The following RRN3 variants were observed in gnomAD, a reference collection of about 807,000 sequenced individuals.
RRN3 encodes RNA polymerase I transcription factor RRN3, also known as RNA polymerase I-specific transcription initiation factor RRN3.
A neutral mutation model predicts 82.3 loss-of-function variants in RRN3; 38 were observed. The ratio of observed to expected loss-of-function variants is 0.46; its 90% confidence interval spans 0.36 to 0.61. The LOEUF is 0.61. Among genes scored for constraint, RRN3 ranks in the 20% least tolerant of loss-of-function variants. The pLI, the probability that RRN3 is intolerant of heterozygous loss-of-function variation, is 0.00. For synonymous variants in RRN3, 284 were observed against 284.3 expected (o/e 1.00, Z 0.01); for missense variants, 726 against 793.1 (o/e 0.92, Z 1.02).
At chr16:15,074,700 A>G (rs1724074887) in intron 11 of RRN3, 23 bp downstream of exon 11, 1 of 1,594,234 alleles carries the variant, frequency 6.3e-7, no homozygotes, top group South Asian at 1.1e-5. Flanking sequence ...GGTGTTCAAT[A>G]AACAGTAGCT....
intron 6 of RRN3, among the ~76,000 whole-genome samples, chr16:15,085,193 A>T (rs1214407885): frequency 6.6e-6 from 1 of 152,260 alleles, no homozygotes; most frequent in Non-Finnish European, 1.5e-5. Flanking sequence ...AATTAAATGG[A>T]CTAATTATAT....
intron 8 of RRN3, 87 bp from the exon 9 acceptor site, chr16:15,080,183 T>C (rs1245544298): frequency 6.9e-7 from 1 of 1,457,392 alleles, no homozygotes; most frequent in African/African-American, 1.4e-5. Context: ...ACATGACCTT[T>C]AGTTTCAAAT....
intron 16 of RRN3, among the ~76,000 whole-genome samples, chr16:15,063,641 C>A (rs951405081): frequency 1.4e-4 from 19 of 139,832 alleles, no homozygotes; most frequent in Non-Finnish European, 2.4e-4. Context: ...GGAGACGGAG[C>A]TTGCAGCGAG....
At chr16:15,066,162 C>G (rs1480013932) in intron 15 of RRN3, among the ~76,000 whole-genome samples, 14 of 152,124 alleles carry the variant, frequency 9.2e-5, no homozygotes, top group Admixed American at 5.2e-4. Flanking sequence ...AGGCTCACAG[C>G]ACTTGACCCC....
At chr16:15,081,094 G>A (rs931313102) in intron 8 of RRN3, among the ~76,000 whole-genome samples, 11 of 152,082 alleles carry the variant, frequency 7.2e-5, no homozygotes, top group South Asian at 4.1e-4. Context: ...ATATTCCATT[G>A]TACCATGTTT....
intron 3 of RRN3, among the ~76,000 whole-genome samples, chr16:15,088,993 T>A (rs1234838941): frequency 6.6e-6 from 1 of 151,988 alleles, no homozygotes; most frequent in African/African-American, 2.4e-5. Flanking sequence ...GGTAAATGCA[T>A]CTAACAGACA....
In RRN3 at chr16:15,065,211, G is replaced by C. The variant is rs1567186784; in HGVS notation, c.1706+8C>G. 1 of 1,596,832 alleles carries C rather than the reference G, an allele frequency of 6.3e-7. No individual in the cohort carries two copies. Among genetic ancestry groups the C allele is most frequent in the Non-Finnish European group, 8.5e-7 (1 of 1,172,742 alleles). Reference sequence around the variant, plus strand: ...CCTCCTCCAGCGTCAATGTTTAAAAGTACCTACCTCTTCAGCACACAGGGA... The same window carrying C: ...CCTCCTCCAGCGTCAATGTTTAAAACTACCTACCTCTTCAGCACACAGGGA... On this transcript the variant is annotated splice_region_variant and intron_variant, in intron 16 of 17. Transcript: ENST00000198767.
chr16:15,075,762 C>CCT (rs1343707977), intron 10 of RRN3, among the ~76,000 whole-genome samples: 1 of 152,126 alleles, frequency 6.6e-6, no homozygotes, highest in Non-Finnish European at 1.5e-5. Flanking sequence ...ATGCCCCCTA[C>CCT]CTCTGCTCCT....
intron 3 of RRN3, among the ~76,000 whole-genome samples, chr16:15,089,634 A>G (rs2046042728): frequency 1.3e-5 from 2 of 151,278 alleles, no homozygotes; most frequent in Non-Finnish European, 2.9e-5. Flanking sequence ...CCCCACCTCT[A>G]CTAAAAATAC....
At position 15,090,674 on chromosome 16, in the gene RRN3, G is replaced by A. The variant is rs992410352; in HGVS notation, c.252+641C>T. 3.9e-5 allele frequency among the ~76,000 whole-genome samples: 6 copies of A among 152,152 alleles called. No individual in the cohort carries two copies. The South Asian group carries it at 6.2e-4, about 16-fold the overall frequency. ...CACAGTGGAAAATAGAGGCAGAGAG[G>A]TTAAAACAATTTGCTCAAGATCACA... On this transcript the variant is annotated intron_variant, in intron 3 of 17. Transcript: ENST00000198767.
intron 3 of RRN3, among the ~76,000 whole-genome samples, chr16:15,089,345 G>C (rs1274673729): frequency 1.3e-5 from 2 of 151,986 alleles, no homozygotes; most frequent in African/African-American, 4.8e-5. Flanking sequence ...GAGCAATCTT[G>C]GCTACAGACA....
intron 13 of RRN3, among the ~76,000 whole-genome samples, chr16:15,070,799 T>A (rs1008674444): frequency 9.2e-5 from 14 of 151,842 alleles, no homozygotes; most frequent in Non-Finnish European, 1.8e-4. Context: ...ACAATAGATT[T>A]GGAATGCAAA....
In RRN3 at chr16:15,061,647, C is replaced by A; in HGVS notation, c.*97G>T. The A allele has an allele frequency of 1.7e-6, 2 of 1,203,634 alleles. No homozygotes were observed. The highest frequency in any genetic ancestry group is 1.4e-5 in the South Asian group (1 of 69,698). 74.6% of individuals were successfully genotyped at this position (1,203,634 alleles called of 1,614,324 possible). A position where few individuals can be genotyped will look rare whatever the true frequency, so the allele number is the denominator to read the frequency against. On this transcript the variant is annotated 3_prime_UTR_variant, in exon 18 of 18. Transcript: ENST00000198767. ...GCCGAGGCAGGCACTCGCTCTAGTT[C>A]AATGCCATCAATGCCCAATGGCACA...
At chr16:15,063,906 T>C (rs964510951) in intron 16 of RRN3, among the ~76,000 whole-genome samples, 2 of 152,138 alleles carry the variant, frequency 1.3e-5, no homozygotes, top group African/African-American at 4.8e-5. Flanking sequence ...ATACAGTATA[T>C]CCAAATGGAA....
At chr16:15,093,344 A>G (rs140709294) in intron 1 of RRN3, among the ~76,000 whole-genome samples, 124 of 152,290 alleles carry the variant, frequency 8.1e-4, no homozygotes, top group African/African-American at 2.8e-3. Flanking sequence ...CAAATGACAG[A>G]TGTCTTCCCA....
intron 3 of RRN3, among the ~76,000 whole-genome samples, chr16:15,089,685 AG>A (rs2046045917): frequency 6.8e-6 from 1 of 147,670 alleles, no homozygotes; most frequent in Non-Finnish European, 1.5e-5. Context: ...GTGTAGTCTC[AG>A]CTACTTGGGA....
chr16:15,082,759 G>A (rs1378863962), intron 8 of RRN3, among the ~76,000 whole-genome samples: 1 of 151,782 alleles, frequency 6.6e-6, no homozygotes, highest in Non-Finnish European at 1.5e-5. Flanking sequence ...TATGCTACTA[G>A]ATTCGGTTTT....
chr16:15,061,881 C>T lies in RRN3; in HGVS notation c.1819G>A (p.Asp607Asn). ...TGGGGCACTTCGCCTTTCAGAAAGTCATCATCTTCATCTTCCACTATGTCC... is the reference window on the plus strand; with the variant it reads ...TGGGGCACTTCGCCTTTCAGAAAGTTATCATCTTCATCTTCCACTATGTCC... The part of the protein sequence containing the change: ...KKDIVEDEDD[D>N]FLKGEVPQND... Residue 607 changes from aspartate (D) to asparagine (N), a missense_variant, in exon 18 of 18, where the codon GAC (aspartate) becomes AAC (asparagine). Physicochemically the swap from Asp to Asn is conservative, Grantham distance 23. Transcript: ENST00000198767. 1 of 1,612,712 alleles carries T rather than the reference C, an allele frequency of 6.2e-7. No individual in the cohort carries two copies. The highest frequency in any genetic ancestry group is 8.5e-7 in the Non-Finnish European group (1 of 1,178,724).
rs2045027393 is a variant in RRN3, at chr16:15,067,454, TA to T, written c.1553+714del. Among the ~76,000 whole-genome samples, 2 of 88,862 alleles carry T rather than the reference TA, an allele frequency of 2.3e-5. 1 individual carries two copies. Among genetic ancestry groups the T allele is most frequent in the South Asian group, 7.6e-4 (2 of 2,630 alleles). 58.3% of individuals were successfully genotyped at this position (88,862 alleles called of 152,430 possible). On this transcript the variant is annotated intron_variant, in intron 15 of 17. Coordinates refer to ENST00000198767, the MANE Select transcript of RRN3 (RefSeq NM_018427.5). ...CCTAGAGGATCAAATGAGTTCTATG[TA>T]AAGTGCTTAGAACTGCCTGGCACAG...
Sources: gnomAD v4.1 joint callset for allele counts (sites outside exome capture counted in the v4.1 genomes callset) on GRCh38, gnomAD v4.1.1 for gene constraint, MANE v1.5 for transcripts, NCBI Gene and HGNC (gene_info 2026-07-23, HGNC 2026-07-21) for gene names.